Variants in GRPR observed in about 807,000 individuals in gnomAD.
GRPR encodes gastrin releasing peptide receptor.
A neutral mutation model predicts 15.6 loss-of-function variants in GRPR; 4 were observed. That is an observed-to-expected ratio of 0.26 (90% CI 0.13 to 0.59). The LOEUF (loss-of-function observed/expected upper bound fraction) is 0.59. GRPR is among the 20% of genes least tolerant of loss of function. The pLI is 0.90. For missense variants in GRPR, 270 were observed against 304.1 expected (o/e 0.89, Z 0.83); for synonymous variants, 128 against 126.8 (o/e 1.01, Z -0.06).
intron 1 of GRPR, among the ~76,000 whole-genome samples, chrX:16,129,262 T>C (rs1474549562): frequency 8.9e-6 from 1 of 112,697 alleles, no homozygotes; most frequent in African/African-American, 3.2e-5. Flanking sequence ...TGTGATAACA[T>C]GGTTTGTAGC....
intron 1 of GRPR, among the ~76,000 whole-genome samples, chrX:16,141,900 A>G (rs1400381409): frequency 8.9e-6 from 1 of 112,076 alleles, no homozygotes; most frequent in Non-Finnish European, 1.9e-5. Flanking sequence ...CTCAAATAGG[A>G]CACCCTTACT....
intron 2 of GRPR, 116 bp from the exon 3 acceptor site, chrX:16,152,140 C>A (rs761216229): frequency 2.2e-4 from 144 of 651,107 alleles, no homozygotes; most frequent in Non-Finnish European, 3.5e-4. Context: ...GTGAACTCCT[C>A]TATTGCCCTA....
At chrX:16,136,659 A>G (rs989578309) in intron 1 of GRPR, among the ~76,000 whole-genome samples, 2 of 112,020 alleles carry the variant, frequency 1.8e-5, no homozygotes, top group African/African-American at 6.5e-5. Flanking sequence ...GTGGACAGGC[A>G]GAGAACAACA....
At chrX:16,124,435 C>A in intron 1 of GRPR, 69 bp downstream of exon 1, 2 of 994,390 alleles carry the variant, frequency 2.0e-6, no homozygotes, top group South Asian at 1.9e-5. Context: ...ACTACCATGT[C>A]GGGACAGGGA....
chrX:16,141,500 T>G (rs776589016), intron 1 of GRPR, among the ~76,000 whole-genome samples: 4 of 112,147 alleles, frequency 3.6e-5, no homozygotes, highest in African/African-American at 1.3e-4. Context: ...AAGGTCAAAG[T>G]CTCACTCAGA....
chrX:16,146,729 G>C (rs772427367), intron 1 of GRPR, among the ~76,000 whole-genome samples: 24 of 111,827 alleles, frequency 2.1e-4, no homozygotes, highest in Middle Eastern at 4.6e-3. Flanking sequence ...GCCAGAAGAG[G>C]AAATAGACTG....
intron 1 of GRPR, among the ~76,000 whole-genome samples, chrX:16,128,397 C>A (rs1163032310): frequency 1.8e-5 from 2 of 110,595 alleles, no homozygotes. Flanking sequence ...AGCCTGTCAT[C>A]CCAGTTACTT....
chrX:16,130,140 C>G (rs1385237318), intron 1 of GRPR, among the ~76,000 whole-genome samples: 1 of 111,880 alleles, frequency 8.9e-6, no homozygotes, highest in East Asian at 2.8e-4. Context: ...AATGCCAAAT[C>G]TATCCTGTAC....
At chrX:16,130,887 A>G (rs1236161922) in intron 1 of GRPR, among the ~76,000 whole-genome samples, 1 of 112,491 alleles carries the variant, frequency 8.9e-6, no homozygotes, top group Non-Finnish European at 1.9e-5. Flanking sequence ...CGGCAGTGGA[A>G]CTACCACAGC....
At chrX:16,143,225 A>T (rs1352890637) in intron 1 of GRPR, among the ~76,000 whole-genome samples, 2 of 111,863 alleles carry the variant, frequency 1.8e-5, no homozygotes, top group Non-Finnish European at 1.9e-5. Context: ...AGGGACAGAA[A>T]TTCTCTCCTG....
intron 1 of GRPR, among the ~76,000 whole-genome samples, chrX:16,125,952 G>C (rs184336494): frequency 1.8e-5 from 2 of 111,509 alleles, no homozygotes; most frequent in Admixed American, 1.9e-4. Flanking sequence ...GGGAAGGAGA[G>C]ATTTTGGTTT....
intron 1 of GRPR, among the ~76,000 whole-genome samples, chrX:16,134,565 T>C (rs7890805): frequency 0.26 from 29,262 of 110,479 alleles, 3,190 homozygotes; most frequent in Middle Eastern, 0.37. Flanking sequence ...GATTGAAGGA[T>C]GGACTTTGGT....
rs758723725 is a variant in GRPR, at chrX:16,124,167, C to T, written c.214C>T (p.Arg72Ter). The T allele has an allele frequency of 2.5e-6, 3 of 1,209,024 alleles. No individual in the cohort carries two copies. Among genetic ancestry groups the T allele is most frequent in the Non-Finnish European group, 2.2e-6 (2 of 893,116 alleles). Residue 72 changes from arginine to a stop codon, truncating the protein, a stop_gained, in exon 1 of 3, where the codon CGA becomes TGA. Coordinates refer to ENST00000380289, the MANE Select transcript of GRPR (RefSeq NM_005314.3). LOFTEE classifies it high-confidence loss of function. ...IKIFCTVKSMRNVPNLFISSL... is the reference protein window; with the variant it reads ...IKIFCTVKSM ...GATCTTCTGTACAGTCAAGTCCATG[C>T]GAAACGTTCCAAACCTGTTCATTTC...
At chrX:16,137,614 T>G (rs976586734) in intron 1 of GRPR, among the ~76,000 whole-genome samples, 1 of 112,185 alleles carries the variant, frequency 8.9e-6, no homozygotes, top group Non-Finnish European at 1.9e-5. Flanking sequence ...ATCACTTCTT[T>G]GGTTACCCCC....
chrX:16,130,635 G>C (rs1029182525), intron 1 of GRPR, among the ~76,000 whole-genome samples: 3 of 112,407 alleles, frequency 2.7e-5, no homozygotes, highest in African/African-American at 9.7e-5. Context: ...TAATTCCAAA[G>C]GCTCCTTTAC....
At chrX:16,138,420 T>A (rs1016829917) in intron 1 of GRPR, among the ~76,000 whole-genome samples, 19 of 111,855 alleles carry the variant, frequency 1.7e-4, no homozygotes, top group African/African-American at 5.5e-4. Flanking sequence ...TGGAAGGAAA[T>A]ATATCAAAAC....
At chrX:16,150,241 G>A in intron 1 of GRPR, 64 bp from the exon 2 acceptor site, 1 of 811,666 alleles carries the variant, frequency 1.2e-6, no homozygotes, top group Non-Finnish European at 1.9e-6. Flanking sequence ...CCTCAACTTA[G>A]TCCTGGCCCT....
intron 1 of GRPR, among the ~76,000 whole-genome samples, chrX:16,131,418 T>C: frequency 8.9e-6 from 1 of 112,186 alleles, no homozygotes; most frequent in Non-Finnish European, 1.9e-5. Context: ...GGCCACTGAA[T>C]CTGAAGAAAT....
chrX:16,147,612 T>G (rs1035946609), intron 1 of GRPR, among the ~76,000 whole-genome samples: 10 of 112,332 alleles, frequency 8.9e-5, no homozygotes, highest in Non-Finnish European at 1.7e-4. Context: ...AGAGGCTTAA[T>G]TAGATTTAGA....
Sources: gnomAD v4.1 joint callset for allele counts (sites outside exome capture counted in the v4.1 genomes callset) on GRCh38, gnomAD v4.1.1 for gene constraint, MANE v1.5 for transcripts, NCBI Gene and HGNC (gene_info 2026-07-23, HGNC 2026-07-21) for gene names.